The following MYO3A variants were observed in gnomAD, a reference collection of about 807,000 sequenced individuals.
MYO3A encodes the protein myosin IIIA.
MYO3A carries 180 observed loss-of-function variants against 192.7 expected under a neutral mutation model. The ratio of observed to expected loss-of-function variants is 0.93; its 90% confidence interval spans 0.83 to 1.06. The LOEUF is 1.06. Among genes scored for constraint, MYO3A ranks in the 50% least tolerant of loss-of-function variants. The pLI is 0.00. For missense variants in MYO3A, 1,896 were observed against 1,905.0 expected (o/e 1.00, Z 0.09); for synonymous variants, 628 against 645.3 (o/e 0.97, Z 0.41).
At chr10:25,957,014 G>GGATAATA (rs1251491897) in intron 4 of MYO3A, among the ~76,000 whole-genome samples, 5 of 152,132 alleles carry the variant, frequency 3.3e-5, no homozygotes, top group African/African-American at 1.2e-4. Context: ...AGTTTGCTAA[G>GGATAATA]GATAATAGCC....
chr10:26,145,883 A>T (rs1840434301), intron 22 of MYO3A, among the ~76,000 whole-genome samples: 1 of 152,260 alleles, frequency 6.6e-6, no homozygotes, highest in Non-Finnish European at 1.5e-5. Flanking sequence ...AAAAGACACA[A>T]AACTGAAAGA....
Position 25,954,915 on chromosome 10 carries a change from A to T in MYO3A, c.210A>T (p.Lys70Asn), listed in dbSNP as rs757348590. 1.8e-5 allele frequency: 29 copies of T among 1,612,426 alleles called. No individual in the cohort carries two copies. The highest frequency in any genetic ancestry group is 2.4e-5 in the Non-Finnish European group (28 of 1,178,862). ...TTGAAGCAGAATATAACATCTTAAA[A>T]GCACTTTCTGACCACCCTAATGTGG... ...EEIEAEYNIL[K>N]ALSDHPNVVR... Residue 70 changes from lysine (K) to asparagine (N), a missense_variant, in exon 4 of 35, where the codon AAA (lysine) becomes AAT (asparagine). Lys to Asn is a moderately conservative substitution (Grantham distance 94, BLOSUM62 0). Coordinates refer to ENST00000642920, the MANE Select transcript of MYO3A (RefSeq NM_017433.5).
At position 26,153,985 on chromosome 10, in the gene MYO3A, G is replaced by A; in HGVS notation, c.2715+56G>A. On this transcript the variant is annotated intron_variant, in intron 24 of 34. Coordinates refer to ENST00000642920, the MANE Select transcript of MYO3A (RefSeq NM_017433.5). ...GTCTAAGAATCTAACCGGTATGATG[G>A]CAATATTTGTATGCTTCTCAAAGTC... 3.2e-6 allele frequency: 4 copies of A among 1,240,780 alleles called. 1 individual carries two copies. Among genetic ancestry groups the A allele is most frequent in the Non-Finnish European group, 4.7e-6 (4 of 845,838 alleles). 76.9% of individuals were successfully genotyped at this position (1,240,780 alleles called of 1,614,324 possible).
At chr10:26,142,991 A>G (rs1207139834) in intron 20 of MYO3A, among the ~76,000 whole-genome samples, 1 of 152,156 alleles carries the variant, frequency 6.6e-6, no homozygotes, top group African/African-American at 2.4e-5. Context: ...ACTTTAAGGA[A>G]CAAGCAGCAA....
chr10:26,115,248 C>T (rs1358088695), intron 17 of MYO3A, among the ~76,000 whole-genome samples: 1 of 152,130 alleles, frequency 6.6e-6, no homozygotes, highest in Non-Finnish European at 1.5e-5. Flanking sequence ...GTGGCAAGAC[C>T]AGAGGCAAGG....
intron 17 of MYO3A, among the ~76,000 whole-genome samples, chr10:26,111,265 A>C (rs979297670): frequency 6.6e-6 from 1 of 152,160 alleles, no homozygotes; most frequent in African/African-American, 2.4e-5. Context: ...GCCATATTCC[A>C]GGTGATATGT....
intron 17 of MYO3A, among the ~76,000 whole-genome samples, chr10:26,097,754 T>C (rs1425235946): frequency 6.6e-6 from 1 of 152,242 alleles, no homozygotes; most frequent in Admixed American, 6.5e-5. Context: ...CCATGCTGTA[T>C]ATGTACCACA....
intron 10 of MYO3A, among the ~76,000 whole-genome samples, chr10:26,062,145 G>A (rs12767805): frequency 0.47 from 71,794 of 151,794 alleles, 17,822 homozygotes; most frequent in Middle Eastern, 0.59. Context: ...AAGAAGCTAA[G>A]GGCATAGTTT....
At chr10:26,198,919 A>G (rs1424960204) in intron 32 of MYO3A, among the ~76,000 whole-genome samples, 1 of 152,222 alleles carries the variant, frequency 6.6e-6, no homozygotes, top group East Asian at 1.9e-4. Context: ...TGTAATTTCA[A>G]AACTATAATT....
chr10:26,065,457 C>T (rs945229286), intron 10 of MYO3A, among the ~76,000 whole-genome samples: 37 of 151,814 alleles, frequency 2.4e-4, no homozygotes, highest in African/African-American at 3.6e-4. Flanking sequence ...GTGGTGGCCA[C>T]GCCTGTAATC....
chr10:25,943,944 A>G (rs1836670382), intron 2 of MYO3A, among the ~76,000 whole-genome samples: 1 of 152,084 alleles, frequency 6.6e-6, no homozygotes, highest in Admixed American at 6.5e-5. Flanking sequence ...TATGTTGAAT[A>G]GAAATGGTAA....
chr10:26,016,877 C>G lies in MYO3A; in HGVS notation c.566C>G (p.Pro189Arg). The change falls in exon 7 of 35, where the codon CCG (proline) becomes CGG (arginine). Residue 189 changes from proline to arginine, a missense_variant. Physicochemically the swap from Pro to Arg is moderately radical, Grantham distance 103. Coordinates refer to ENST00000642920, the MANE Select transcript of MYO3A (RefSeq NM_017433.5). ...RHRRNTSVGT[P>R]FWMAPEVIAC... ...CGTCGGAACACATCCGTAGGAACACCGTTTTGGATGGCTCCTGAGGTCAGA... is the reference window on the plus strand; with the variant it reads ...CGTCGGAACACATCCGTAGGAACACGGTTTTGGATGGCTCCTGAGGTCAGA... 1 of 1,614,150 alleles carries G rather than the reference C, an allele frequency of 6.2e-7. No individual in the cohort carries two copies.
intron 12 of MYO3A, among the ~76,000 whole-genome samples, chr10:26,069,628 C>T (rs768034947): frequency 4.1e-4 from 62 of 151,882 alleles, no homozygotes; most frequent in Non-Finnish European, 2.2e-4. Flanking sequence ...TCAGGAGATA[C>T]GGGTTTTGGT....
chr10:26,078,329 G>A (rs1281830084), intron 14 of MYO3A, among the ~76,000 whole-genome samples: 1 of 151,884 alleles, frequency 6.6e-6, no homozygotes, highest in African/African-American at 2.4e-5. Context: ...TTGTATTTCA[G>A]TGGTGTCAGT....
chr10:26,011,129 T>C (rs772513437), intron 6 of MYO3A, among the ~76,000 whole-genome samples: 24 of 152,036 alleles, frequency 1.6e-4, no homozygotes, highest in Non-Finnish European at 3.4e-4. Flanking sequence ...TATTTACATA[T>C]TAAAGATGAT....
At chr10:25,943,669 T>A (rs963537143) in intron 2 of MYO3A, among the ~76,000 whole-genome samples, 2 of 152,140 alleles carry the variant, frequency 1.3e-5, no homozygotes, top group Non-Finnish European at 2.9e-5. Flanking sequence ...TAATTTCTTC[T>A]TCTGGTTGTT....
Position 26,094,233 on chromosome 10 carries a change from C to T in MYO3A, c.1563-2148C>T, listed in dbSNP as rs140595856. ...CTGATGTGTTGGAGTCCTTATTGAG[C>T]TTCTGTAAAAAATTATTCTTGTGAT... On this transcript the variant is annotated intron_variant, in intron 15 of 34. Transcript: ENST00000642920. 3.2e-3 allele frequency among the ~76,000 whole-genome samples: 485 copies of T among 152,056 alleles called. 1 individual carries two copies. The highest frequency in any genetic ancestry group is 5.1e-3 in the Non-Finnish European group (344 of 67,986).
intron 4 of MYO3A, among the ~76,000 whole-genome samples, chr10:25,970,538 A>G (rs1838570569): frequency 6.6e-6 from 1 of 151,530 alleles, no homozygotes; most frequent in Admixed American, 6.6e-5. Context: ...AGTTAATAAA[A>G]TTGAAGCAAA....
intron 2 of MYO3A, among the ~76,000 whole-genome samples, chr10:25,944,532 T>C (rs1445972046): frequency 6.6e-6 from 1 of 152,020 alleles, no homozygotes; most frequent in African/African-American, 2.4e-5. Flanking sequence ...GGTCCTGAGA[T>C]TTTGTTGTTA....
Sources: allele counts gnomAD v4.1 joint callset (sites outside exome capture counted in the v4.1 genomes callset), GRCh38; gene constraint gnomAD v4.1.1; transcripts MANE v1.5; gene names NCBI Gene and HGNC (gene_info 2026-07-23, HGNC 2026-07-21).